EPS8: variants seen among roughly 807,000 people sequenced by gnomAD.
EPS8 encodes the protein epidermal growth factor receptor kinase substrate 8.
Under a neutral mutation model 103.8 loss-of-function variants are expected in EPS8, and 42 were observed. The ratio of observed to expected loss-of-function variants is 0.40; its 90% CI spans 0.32 to 0.52. EPS8 has a LOEUF of 0.52. Ranked by LOEUF, EPS8 falls within the 20% of genes least tolerant of loss-of-function variation. The pLI is 0.40. For synonymous variants in EPS8, 344 were observed against 344.6 expected (o/e 1.00, Z 0.02); for missense variants, 969 against 1,005.1 (o/e 0.96, Z 0.49).
rs1023934454 is a variant in EPS8 at position 15,701,672 on chromosome 12, A to C, written c.-21-18700T>G. On this transcript the variant is annotated intron_variant, in intron 1 of 20. Transcript: ENST00000281172. This position sits in a 1 kb window ranked among gnomAD's most constrained non-coding sequence, Gnocchi z 5.1. ...ATCTGAAAGAACAACTACTTGGATA[A>C]GCTTTGAAACATTACACTGTCCAGA... Among the ~76,000 whole-genome samples the C allele has an allele frequency of 4.1e-4, 63 of 152,246 alleles. No homozygotes were observed. Among genetic ancestry groups the C allele is most frequent in the African/African-American group, 1.4e-3 (60 of 41,464 alleles).
chr12:15,639,630 T>C (rs918011476), intron 17 of EPS8, among the ~76,000 whole-genome samples: 1 of 152,160 alleles, frequency 6.6e-6, no homozygotes, highest in Non-Finnish European at 1.5e-5. Context: ...TCATGGATTC[T>C]AGTAAGGCCA....
Position 15,772,830 on chromosome 12 carries a change from C to T in EPS8, c.-22+16331G>A, listed in dbSNP as rs545700234. ...AACATACATTCATTCAGCAAATAGA[C>T]GGGTCTACAAAGTACCAGAAACCCT... On this transcript the variant is annotated intron_variant, in intron 1 of 20. Transcript: ENST00000281172. This position sits in a 1 kb window ranked among gnomAD's most constrained non-coding sequence, Gnocchi z 5.0. Among the ~76,000 whole-genome samples the T allele has an allele frequency of 1.1e-4, 17 of 152,164 alleles. 1 individual carries two copies. Among genetic ancestry groups the T allele is most frequent in the African/African-American group, 3.9e-4 (16 of 41,534 alleles).
chr12:15,641,829 T>C lies in EPS8; in HGVS notation c.1570A>G (p.Asn524Asp). Residue 524 changes from asparagine to aspartate, a missense_variant and splice_region_variant, in exon 16 of 21, where the codon AAT (asparagine) becomes GAT (aspartate). Physicochemically the swap from Asn to Asp is conservative, Grantham distance 23 (BLOSUM62 1). Coordinates refer to ENST00000281172, the MANE Select transcript of EPS8 (RefSeq NM_004447.6). ...GGTTGTGTTTTGAGTGGTTCATAAT[T>C]TCTATAAAAAGAAAGAAAAAAGATT... ...KPTSNRHIDRNYEPLKTQPKK... is the reference protein window; with the variant it reads ...KPTSNRHIDRDYEPLKTQPKK... The C allele has an allele frequency of 6.6e-7, 1 of 1,515,408 alleles. No individual in the cohort carries two copies. The highest frequency in any genetic ancestry group is 9.0e-7 in the Non-Finnish European group (1 of 1,109,822). 93.9% of individuals were successfully genotyped at this position (1,515,408 alleles called of 1,614,324 possible).
chr12:15,703,808 T>C (rs976741916), intron 1 of EPS8, among the ~76,000 whole-genome samples: 1 of 150,512 alleles, frequency 6.6e-6, no homozygotes, highest in Non-Finnish European at 1.5e-5. Flanking sequence ...CTTTCATTTC[T>C]ATAGGAATCT....
At chr12:15,670,514 T>C (rs531339744) in intron 4 of EPS8, among the ~76,000 whole-genome samples, 152 of 152,272 alleles carry the variant, frequency 1.0e-3, no homozygotes, top group African/African-American at 3.6e-3. Context: ...GCAATAACTT[T>C]AGTTAAACTA....
intron 14 of EPS8, among the ~76,000 whole-genome samples, chr12:15,647,781 C>G (rs1158376628): frequency 5.3e-5 from 8 of 152,100 alleles, no homozygotes. Flanking sequence ...TGGGAGCTAC[C>G]AAGAGTGACA....
intron 1 of EPS8, among the ~76,000 whole-genome samples, chr12:15,770,432 T>C (rs1436840654): frequency 2.6e-5 from 4 of 152,050 alleles, no homozygotes; most frequent in African/African-American, 9.7e-5. Context: ...GTAGGCCCTT[T>C]TGGGTTTAGT....
At chr12:15,643,694 G>A (rs1446254253) in intron 15 of EPS8, among the ~76,000 whole-genome samples, 4 of 140,260 alleles carry the variant, frequency 2.9e-5, no homozygotes, top group South Asian at 2.2e-4. Context: ...GGCCGATATC[G>A]TGCCATTGCA....
chr12:15,650,927 A>G lies in EPS8; in HGVS notation c.1330T>C (p.Phe444Leu), dbSNP rs139258361. 1,602 of 1,614,128 alleles carry G rather than the reference A, an allele frequency of 9.9e-4. No individual in the cohort carries two copies. Among genetic ancestry groups the G allele is most frequent in the Non-Finnish European group, 1.2e-3 (1,448 of 1,179,970 alleles). Residue 444 changes from phenylalanine (F) to leucine (L), a missense_variant, in exon 14 of 21, where the codon TTT becomes CTT. Transcript: ENST00000281172. ...TCTTGTTCCATTGTGGCTCCCATAA[A>G]GTTCAGCATTGGGGGCTCCCAGCCA... Reference protein sequence around the residue: ...RNGWEPPMLNFMGATMEQDLY... With the variant: ...RNGWEPPMLNLMGATMEQDLY...
intron 1 of EPS8, among the ~76,000 whole-genome samples, chr12:15,786,006 G>A (rs1295052155): frequency 2.6e-5 from 4 of 151,478 alleles, no homozygotes; most frequent in East Asian, 1.9e-4. Flanking sequence ...AATCTCCCAC[G>A]GAGAAAAATA....
At chr12:15,685,973 C>T (rs1467657610) in intron 1 of EPS8, among the ~76,000 whole-genome samples, 2 of 152,096 alleles carry the variant, frequency 1.3e-5, no homozygotes, top group Non-Finnish European at 1.5e-5. Flanking sequence ...GTTAATCACA[C>T]TAACTACATA....
Position 15,713,012 on chromosome 12 carries a change from T to C in EPS8, c.-21-30040A>G. On this transcript the variant is annotated intron_variant, in intron 1 of 20. Coordinates refer to ENST00000281172, the MANE Select transcript of EPS8 (RefSeq NM_004447.6). The surrounding 1 kb of genome is among the most constrained non-coding windows in gnomAD (Gnocchi z 4.8). ...GCATTGTACTGTACCAAACAAAATT[T>C]CTGATTTGGTTTCTCTAGGGCGTTA... The C allele has an allele frequency of 1.0e-6, 1 of 985,192 alleles. No homozygotes were observed. The highest frequency in any genetic ancestry group is 1.2e-6 in the Non-Finnish European group (1 of 829,738). The allele number at this position is 985,192 out of a possible 1,614,324, so 61.0% of individuals were successfully genotyped here.
intron 1 of EPS8, among the ~76,000 whole-genome samples, chr12:15,705,960 T>G (rs1241961627): frequency 6.6e-6 from 1 of 152,208 alleles, no homozygotes; most frequent in African/African-American, 2.4e-5. Flanking sequence ...AGTATCATTA[T>G]TAAATTCTTG....
Position 15,683,250 on chromosome 12 carries a change from T to C in EPS8, c.-21-278A>G, listed in dbSNP as rs79817852. 298 of 207,466 alleles carry C rather than the reference T, an allele frequency of 1.4e-3. 5 individuals are homozygous for C. The East Asian group carries it at 0.032, about 23-fold the overall frequency. 12.9% of individuals were successfully genotyped at this position (207,466 alleles called of 1,614,324 possible). ...TATAGTTCTGAGTTCTCAAAGCATA[T>C]AGACATAATTCTACATTCTGCCCAA... is the stretch of plus-strand genomic sequence containing the variant. On this transcript the variant is annotated intron_variant, in intron 1 of 20. Coordinates refer to ENST00000281172, the MANE Select transcript of EPS8 (RefSeq NM_004447.6).
rs908295118 is a variant in EPS8, at chr12:15,641,760, T to C, written c.1639A>G (p.Asn547Asp). The change falls in exon 16 of 21, where the codon AAC becomes GAC. Residue 547 changes from asparagine (N) to aspartate (D), a missense_variant. Asn to Asp is a conservative substitution (Grantham distance 23). Coordinates refer to ENST00000281172, the MANE Select transcript of EPS8 (RefSeq NM_004447.6). Reference protein sequence around the residue: ...KSKYDFVARNNSELSVLKDDI... With the variant: ...KSKYDFVARNDSELSVLKDDI... Reference sequence around the variant, plus strand: ...TCCTTTAGAACCGAGAGCTCACTGTTGTTCCTTGCTACAAAGTCATACTTG... The same window carrying C: ...TCCTTTAGAACCGAGAGCTCACTGTCGTTCCTTGCTACAAAGTCATACTTG... 5 of 1,600,854 alleles carry C rather than the reference T, an allele frequency of 3.1e-6. No homozygotes were observed. Among genetic ancestry groups the C allele is most frequent in the Non-Finnish European group, 2.6e-6 (3 of 1,172,136 alleles).
chr12:15,753,732 T>C (rs1489076801), intron 1 of EPS8, among the ~76,000 whole-genome samples: 1 of 152,234 alleles, frequency 6.6e-6, no homozygotes, highest in African/African-American at 2.4e-5. Flanking sequence ...ATCTGCCCAC[T>C]TCCTCTCTCA....
intron 18 of EPS8, among the ~76,000 whole-genome samples, chr12:15,625,052 C>T (rs1214402006): frequency 6.6e-6 from 1 of 152,194 alleles, no homozygotes; most frequent in African/African-American, 2.4e-5. Context: ...ATATATTCTA[C>T]TTTCTCTCTA....
intron 1 of EPS8, among the ~76,000 whole-genome samples, chr12:15,724,627 A>C (rs759998826): frequency 1.3e-5 from 2 of 152,202 alleles, no homozygotes; most frequent in East Asian, 3.9e-4. Context: ...CATAATTCCC[A>C]TATGTCATGG....
chr12:15,711,124 T>C (rs1006466351), intron 1 of EPS8, among the ~76,000 whole-genome samples: 1 of 151,834 alleles, frequency 6.6e-6, no homozygotes, highest in African/African-American at 2.4e-5. Flanking sequence ...AGGCTGGCCT[T>C]GAACTCATGG....
Sources: gnomAD v4.1 joint callset for allele counts (sites outside exome capture counted in the v4.1 genomes callset) on GRCh38, gnomAD v4.1.1 for gene constraint, Gnocchi (gnomAD v3.1) non-coding constraint, MANE v1.5 for transcripts, NCBI Gene and HGNC (gene_info 2026-07-23, HGNC 2026-07-21) for gene names.